The following IL1RL2 variants were observed in gnomAD, a reference collection of about 807,000 sequenced individuals.
IL1RL2 encodes the protein interleukin-1 receptor-like 2.
A neutral mutation model predicts 66.8 loss-of-function variants in IL1RL2; 68 were observed. The ratio of observed to expected loss-of-function variants is 1.02; its 90% CI spans 0.84 to 1.25. The LOEUF (loss-of-function observed/expected upper bound fraction) is 1.25, where lower values mean the gene tolerates loss of function less well. IL1RL2 is among the 50% of genes most tolerant of loss of function. The probability of loss-of-function intolerance (pLI) is 0.00; values close to 1 mark genes in which losing one functional copy is unlikely to be tolerated. For synonymous variants in IL1RL2, 305 were observed against 264.6 expected, an observed-to-expected ratio of 1.15 and a Z score of -1.48; for missense variants, 729 against 709.3, an observed-to-expected ratio of 1.03 and a Z score of -0.32.
chr2:102,195,623 TTCTTTCTCTCTCTCTCTCTCTCTC>T (rs1559530239), intron 4 of IL1RL2, among the ~76,000 whole-genome samples: 10 of 13,696 alleles, frequency 7.3e-4, no homozygotes, highest in African/African-American at 1.8e-3. Flanking sequence ...CTTTCTTTCT[TTCTTTCTCTCTCTCTCTCTCTCTC>T]TTTCTTTCTT....
chr2:102,238,122 A>AC (rs760657948), intron 11 of IL1RL2, among the ~76,000 whole-genome samples: 39 of 151,942 alleles, frequency 2.6e-4, no homozygotes, highest in Admixed American at 8.5e-4. Context: ...GGAATTAGAG[A>AC]CCCCCCTGGG....
chr2:102,194,913 T>G (rs1033941215), intron 4 of IL1RL2, among the ~76,000 whole-genome samples: 3 of 152,126 alleles, frequency 2.0e-5, no homozygotes, highest in African/African-American at 7.2e-5. Flanking sequence ...TATCATTTTT[T>G]TTTTTCTGTG....
Position 102,187,994 on chromosome 2 carries a change from GC to G in IL1RL2, c.58+74del, listed in dbSNP as rs1000833494. 1.1e-5 allele frequency: 16 copies of G among 1,482,324 alleles called. No individual in the cohort carries two copies. In the Admixed American group the frequency reaches 1.5e-4, roughly 14 times the overall value. 91.8% of individuals were successfully genotyped at this position (1,482,324 alleles called of 1,614,324 possible). On this transcript the variant is annotated intron_variant, in intron 2 of 11. Transcript: ENST00000264257. ...ACAGGCTCCTGGCCTGTCATTGGGA[GC>G]CCCCGGGGATCGCGTCAGCCCGAGC...
chr2:102,242,635 C>T (rs191745436), downstream of IL1RL2, among the ~76,000 whole-genome samples: 9 of 152,260 alleles, frequency 5.9e-5, no homozygotes, highest in East Asian at 1.2e-3. Flanking sequence ...TTGTTCTATT[C>T]AGGCCTTGAA....
At position 102,201,740 on chromosome 2, in the gene IL1RL2, C is replaced by A. The variant is rs369721985; in HGVS notation, c.649+25C>A. 5.6e-6 allele frequency: 9 copies of A among 1,603,848 alleles called. No individual in the cohort carries two copies. In the South Asian group the frequency reaches 1.0e-4, roughly 18 times the overall value. On this transcript the variant is annotated intron_variant, in intron 5 of 11. Transcript: ENST00000264257. ...AGTAAGTATGCTCATGTATGCCTGTCGCCTTGTATTCTCTTGGCTTTGTGT... is the reference window on the plus strand; with the variant it reads ...AGTAAGTATGCTCATGTATGCCTGTAGCCTTGTATTCTCTTGGCTTTGTGT...
At chr2:102,217,315 G>T (rs967174576) in intron 6 of IL1RL2, among the ~76,000 whole-genome samples, 1 of 152,118 alleles carries the variant, frequency 6.6e-6, no homozygotes, top group African/African-American at 2.4e-5. Context: ...AATTAATATT[G>T]TTCAAATGTC....
intron 5 of IL1RL2, among the ~76,000 whole-genome samples, chr2:102,205,177 A>G (rs1688603996): frequency 6.6e-6 from 1 of 152,118 alleles, no homozygotes; most frequent in African/African-American, 2.4e-5. Flanking sequence ...CCTGCTTTTT[A>G]ACTTTTTGTT....
intron 4 of IL1RL2, among the ~76,000 whole-genome samples, chr2:102,198,947 C>A (rs1441164006): frequency 6.6e-6 from 1 of 152,166 alleles, no homozygotes; most frequent in Admixed American, 6.5e-5. Flanking sequence ...TCACCCCATG[C>A]ACCATGGTTA....
chr2:102,219,815 A>G (rs1689939593), intron 7 of IL1RL2, 66 bp from the exon 8 acceptor site: 10 of 1,456,078 alleles, frequency 6.9e-6, no homozygotes, highest in Non-Finnish European at 9.5e-6. Flanking sequence ...TCTCCAGAAA[A>G]CAGATTATAA....
intron 8 of IL1RL2, among the ~76,000 whole-genome samples, chr2:102,221,321 T>A (rs963835451): frequency 6.6e-6 from 1 of 152,180 alleles, no homozygotes. Context: ...CTTTATGGCA[T>A]CAACTGTCAT....
downstream of IL1RL2, among the ~76,000 whole-genome samples, chr2:102,242,194 C>T: frequency 6.6e-6 from 1 of 152,136 alleles, no homozygotes; most frequent in East Asian, 1.9e-4. Context: ...ACAGCTTTTT[C>T]CTCCCTGATT....
At position 102,233,063 on chromosome 2, in the gene IL1RL2, G is replaced by GT. The variant is rs1329337056; in HGVS notation, c.1238dup (p.Leu413PhefsTer8). 6.2e-7 allele frequency: 1 copy of GT among 1,614,136 alleles called. No individual in the cohort carries two copies. The highest frequency in any genetic ancestry group is 1.7e-5 in the Admixed American group (1 of 60,020). Reference sequence around the variant, plus strand: ...TGGTGTTGAATATCCTGCCCGAGGTGTTGGAGAGACAATGTGGATATAAGT... The same window carrying GT: ...TGGTGTTGAATATCCTGCCCGAGGTGTTTGGAGAGACAATGTGGATATAAGT... On this transcript the variant is annotated frameshift_variant, in exon 10 of 12. Transcript: ENST00000264257. LOFTEE classifies it high-confidence loss of function.
chr2:102,227,578 C>T (rs1690739111), intron 9 of IL1RL2, among the ~76,000 whole-genome samples: 2 of 152,076 alleles, frequency 1.3e-5, no homozygotes, highest in South Asian at 4.1e-4. Flanking sequence ...GGGAGGGGGT[C>T]TCTGGTTTTG....
intron 4 of IL1RL2, among the ~76,000 whole-genome samples, chr2:102,197,749 A>T (rs1687908900): frequency 6.6e-6 from 1 of 152,182 alleles, no homozygotes; most frequent in South Asian, 2.1e-4. Flanking sequence ...TCCAGTCTCC[A>T]GTTCTGTGGG....
intron 2 of IL1RL2, among the ~76,000 whole-genome samples, chr2:102,188,760 A>G (rs1340105763): frequency 2.0e-5 from 3 of 152,130 alleles, no homozygotes; most frequent in Non-Finnish European, 4.4e-5. Flanking sequence ...TCTGTAGGTG[A>G]GTACAGAGTA....
chr2:102,217,138 A>G (rs894503293), intron 6 of IL1RL2, among the ~76,000 whole-genome samples: 1 of 152,168 alleles, frequency 6.6e-6, no homozygotes, highest in Non-Finnish European at 1.5e-5. Flanking sequence ...GATTTCTTGT[A>G]AGGCTGGTCT....
intron 5 of IL1RL2, 27 bp from the exon 6 acceptor site, chr2:102,212,073 C>T (rs1689216919): frequency 6.4e-7 from 1 of 1,554,528 alleles, no homozygotes; most frequent in Non-Finnish European, 8.9e-7. Context: ...GATTCTAATG[C>T]AATTTCCTGT....
intron 9 of IL1RL2, among the ~76,000 whole-genome samples, chr2:102,228,478 T>C (rs1690831791): frequency 1.3e-5 from 2 of 152,238 alleles, no homozygotes; most frequent in Admixed American, 6.5e-5. Flanking sequence ...AGTCAGCAAG[T>C]TCTGTATCTT....
intron 11 of IL1RL2, among the ~76,000 whole-genome samples, chr2:102,238,165 C>T (rs150909163): frequency 9.9e-5 from 15 of 152,084 alleles, no homozygotes; most frequent in East Asian, 7.7e-4. Flanking sequence ...GGTAGGGCTG[C>T]GAGCGGAGAT....
Sources: allele counts gnomAD v4.1 joint callset (sites outside exome capture counted in the v4.1 genomes callset), GRCh38; gene constraint gnomAD v4.1.1; transcripts MANE v1.5; gene names NCBI Gene and HGNC (gene_info 2026-07-23, HGNC 2026-07-21).